The following PHACTR1 variants were observed in gnomAD, a reference collection of about 807,000 sequenced individuals.
The protein encoded by PHACTR1 is RPEL repeat containing 1.
A neutral mutation model predicts 69.2 loss-of-function variants in PHACTR1; 16 were observed. The ratio of observed to expected loss-of-function variants is 0.23; its 90% CI spans 0.16 to 0.35. The LOEUF (loss-of-function observed/expected upper bound fraction) is 0.35. Among genes scored for constraint, PHACTR1 ranks in the 10% least tolerant of loss-of-function variants. PHACTR1 has a pLI of 1.00. For missense variants in PHACTR1, 510 were observed against 734.7 expected, an observed-to-expected ratio of 0.69 and a Z score of 3.54; for synonymous variants, 312 against 284.5, an observed-to-expected ratio of 1.10 and a Z score of -0.97.
intron 4 of PHACTR1, among the ~76,000 whole-genome samples, chr6:13,046,383 A>G (rs1426497933): frequency 6.6e-6 from 1 of 152,168 alleles, no homozygotes; most frequent in African/African-American, 2.4e-5. Flanking sequence ...AGCCAGTATC[A>G]GTGTCCACAG....
intron 5 of PHACTR1, among the ~76,000 whole-genome samples, chr6:13,129,938 A>G (rs929645365): frequency 1.3e-5 from 2 of 152,156 alleles, no homozygotes; most frequent in African/African-American, 4.8e-5. Flanking sequence ...AAGAAAATTG[A>G]AAGTACCCCA....
chr6:12,820,426 C>T (rs537083634), intron 4 of PHACTR1, among the ~76,000 whole-genome samples: 20 of 152,206 alleles, frequency 1.3e-4, no homozygotes, highest in Non-Finnish European at 2.4e-4. Flanking sequence ...ATGATTCGCC[C>T]GCCTCAGCCT....
intron 4 of PHACTR1, among the ~76,000 whole-genome samples, chr6:12,941,670 G>A (rs1168527983): frequency 6.6e-6 from 1 of 152,086 alleles, no homozygotes; most frequent in East Asian, 1.9e-4. Flanking sequence ...CTGCAGAGTT[G>A]TGAATTATGG....
intron 4 of PHACTR1, among the ~76,000 whole-genome samples, chr6:12,806,185 A>G (rs1232786153): frequency 2.0e-5 from 3 of 152,184 alleles, no homozygotes; most frequent in East Asian, 1.9e-4. Context: ...TCTGCATTTC[A>G]TAACCTAGAT....
At chr6:13,021,695 T>C (rs927870633) in intron 4 of PHACTR1, among the ~76,000 whole-genome samples, 8 of 152,228 alleles carry the variant, frequency 5.3e-5, no homozygotes, top group Admixed American at 4.6e-4. Context: ...ACATTTGTTA[T>C]TATCTGTTAT....
chr6:13,088,852 C>T (rs899668976), intron 5 of PHACTR1, among the ~76,000 whole-genome samples: 1 of 152,136 alleles, frequency 6.6e-6, no homozygotes, highest in Non-Finnish European at 1.5e-5. Context: ...AATATTTCCT[C>T]CTGGGCTCTC....
At chr6:13,284,565 T>TA (rs1486231778) in intron 13 of PHACTR1, among the ~76,000 whole-genome samples, 1 of 111,700 alleles carries the variant, frequency 9.0e-6, no homozygotes, top group Non-Finnish European at 1.7e-5. Context: ...TATATATATA[T>TA]ATATAGATAC....
At chr6:13,081,113 T>A (rs1414720201) in intron 5 of PHACTR1, among the ~76,000 whole-genome samples, 1 of 152,176 alleles carries the variant, frequency 6.6e-6, no homozygotes, top group African/African-American at 2.4e-5. Flanking sequence ...GTGTCAGTCT[T>A]TTCATGTACC....
In PHACTR1 at chr6:12,759,600, A is replaced by T. The variant is rs115854392; in HGVS notation, c.250+9810A>T. 4.7e-3 allele frequency among the ~76,000 whole-genome samples: 713 copies of T among 152,296 alleles called. 3 individuals carry two copies. Among genetic ancestry groups the T allele is most frequent in the Non-Finnish European group, 8.2e-3 (558 of 68,022 alleles). On this transcript the variant is annotated intron_variant, in intron 4 of 14. Coordinates refer to ENST00000332995, the MANE Select transcript of PHACTR1 (RefSeq NM_030948.6). ...TGGGCATGGGGCCACACTGATGATA[A>T]GTTTAGGGGCCAAGAAAAATGTTTT...
At chr6:12,722,279 T>C (rs1762222436) in intron 3 of PHACTR1, among the ~76,000 whole-genome samples, 1 of 152,212 alleles carries the variant, frequency 6.6e-6, no homozygotes, top group South Asian at 2.1e-4. Flanking sequence ...CAGATGTAAA[T>C]GTTTTTAAAG....
intron 5 of PHACTR1, among the ~76,000 whole-genome samples, chr6:13,119,481 T>A (rs1341585254): frequency 1.3e-5 from 2 of 152,176 alleles, no homozygotes; most frequent in Non-Finnish European, 2.9e-5. Flanking sequence ...GGCTCTGTGA[T>A]GTATGGGGAG....
intron 4 of PHACTR1, among the ~76,000 whole-genome samples, chr6:12,881,173 C>T (rs190159860): frequency 1.3e-5 from 2 of 151,980 alleles, no homozygotes; most frequent in East Asian, 3.9e-4. Flanking sequence ...CAACAGGGAG[C>T]TGCGTGAAAG....
chr6:12,959,997 G>A (rs1714700464), intron 4 of PHACTR1, among the ~76,000 whole-genome samples: 1 of 152,182 alleles, frequency 6.6e-6, no homozygotes, highest in African/African-American at 2.4e-5. Context: ...GGTGAAATAG[G>A]ACAGATTTTG....
chr6:12,817,456 A>G (rs537420112), intron 4 of PHACTR1, among the ~76,000 whole-genome samples: 2 of 152,358 alleles, frequency 1.3e-5, no homozygotes, highest in East Asian at 3.9e-4. Context: ...GGGCTCTGCC[A>G]TATACTGTGG....
intron 4 of PHACTR1, among the ~76,000 whole-genome samples, chr6:12,873,403 G>A (rs183422517): frequency 1.6e-4 from 25 of 152,046 alleles, no homozygotes; most frequent in Admixed American, 1.2e-3. Context: ...TCACTGTGCT[G>A]GCCACTAGAT....
intron 4 of PHACTR1, among the ~76,000 whole-genome samples, chr6:12,847,889 G>A (rs896294977): frequency 6.6e-6 from 1 of 152,022 alleles, no homozygotes; most frequent in Non-Finnish European, 1.5e-5. Context: ...CCTTTGAAAC[G>A]ATTTCTATCT....
intron 8 of PHACTR1, among the ~76,000 whole-genome samples, chr6:13,217,496 C>CTG: frequency 6.6e-6 from 1 of 152,264 alleles, no homozygotes; most frequent in Non-Finnish European, 1.5e-5. Context: ...TGGTCAGACT[C>CTG]TGTGTGTCTT....
intron 4 of PHACTR1, among the ~76,000 whole-genome samples, chr6:12,845,889 A>G (rs1004518449): frequency 8.5e-5 from 13 of 152,184 alleles, no homozygotes; most frequent in Admixed American, 7.9e-4. Flanking sequence ...ATTTCATCTG[A>G]CAAAGTAAGC....
chr6:12,853,070 C>T (rs1317034219), intron 4 of PHACTR1, among the ~76,000 whole-genome samples: 2 of 152,144 alleles, frequency 1.3e-5, no homozygotes, highest in African/African-American at 2.4e-5. Context: ...ATCGATAATC[C>T]AGCCTTACTT....
Sources: gnomAD v4.1 joint callset for allele counts (sites outside exome capture counted in the v4.1 genomes callset) on GRCh38, gnomAD v4.1.1 for gene constraint, MANE v1.5 for transcripts, NCBI Gene and HGNC (gene_info 2026-07-23, HGNC 2026-07-21) for gene names.